APH1A: variants seen among roughly 807,000 people sequenced by gnomAD.
APH1A encodes the protein gamma-secretase subunit APH-1A.
A neutral mutation model predicts 30.3 loss-of-function variants in APH1A; 16 were observed. That is an observed-to-expected ratio of 0.53 (90% CI 0.36 to 0.80). The LOEUF (loss-of-function observed/expected upper bound fraction) is 0.80. Ranked by LOEUF, APH1A falls within the 30% of genes least tolerant of loss-of-function variation. The probability of loss-of-function intolerance (pLI) is 0.01; values close to 1 mark genes in which losing one functional copy is unlikely to be tolerated. For missense variants in APH1A, 245 were observed against 337.8 expected (o/e 0.73, Z 2.15); for synonymous variants, 144 against 140.1 (o/e 1.03, Z -0.20).
In APH1A at chr1:150,268,134, A is replaced by G; in HGVS notation, c.114-7T>C. The G allele has an allele frequency of 6.2e-7, 1 of 1,613,326 alleles. No individual in the cohort carries two copies. The highest frequency in any genetic ancestry group is 8.5e-7 in the Non-Finnish European group (1 of 1,179,694). ...GACCAGCCAGAAAAATGCCCTGAGA[A>G]AAGACAGGGGCAGTGAGACAAGCAA... On this transcript the variant is annotated splice_polypyrimidine_tract_variant and splice_region_variant and intron_variant, in intron 1 of 6. Coordinates refer to ENST00000369109, the MANE Select transcript of APH1A (RefSeq NM_001077628.3).
chr1:150,266,249 C>G (rs200707145), intron 6 of APH1A, 55 bp from the exon 7 acceptor site: 34 of 1,559,420 alleles, frequency 2.2e-5, no homozygotes, highest in Non-Finnish European at 2.7e-5. Context: ...AGCACTGACA[C>G]AGGGGGAGTC....
chr1:150,268,625 G>T, intron 1 of APH1A, 73 bp downstream of exon 1: 1 of 1,442,972 alleles, frequency 6.9e-7, no homozygotes, highest in Non-Finnish European at 9.5e-7. Context: ...TCCCAGGCTT[G>T]CCCCAGTTCC....
In APH1A at chr1:150,267,485, G is replaced by A. The variant is rs966551064; in HGVS notation, c.359-7C>T. ...CCGAAGGAGAGACCAGAAACTGGGG[G>A]AAGGGAGGATCTCATCAATGTCAGA... On this transcript the variant is annotated splice_polypyrimidine_tract_variant and splice_region_variant and intron_variant, in intron 3 of 6. Coordinates refer to ENST00000369109, the MANE Select transcript of APH1A (RefSeq NM_001077628.3). 4 of 1,613,788 alleles carry A rather than the reference G, an allele frequency of 2.5e-6. No individual in the cohort carries two copies. The highest frequency in any genetic ancestry group is 1.3e-5 in the African/African-American group (1 of 74,924).
Position 150,267,948 on chromosome 1 carries a change from T to C in APH1A, c.284+9A>G, listed in dbSNP as rs1553850290. The C allele has an allele frequency of 1.2e-6, 2 of 1,614,068 alleles. No homozygotes were observed. The highest frequency in any genetic ancestry group is 2.2e-5 in the East Asian group (1 of 44,890). On this transcript the variant is annotated intron_variant, in intron 2 of 6. Transcript: ENST00000369109. ...CCCCTCTCCCCTCCAGACCACTCCA[T>C]CTTCTTACTTAAGCAGCTTGTAGTA...
At chr1:150,266,330 CT>C in intron 6 of APH1A, 136 bp from the exon 7 acceptor site, 1 of 1,487,170 alleles carries the variant, frequency 6.7e-7, no homozygotes, top group African/African-American at 1.4e-5. Context: ...CACTGACTGG[CT>C]GAACCCAGGC....
rs199674108 is a variant in APH1A, at chr1:150,267,222, G to C, written c.482-20C>G. 18 of 1,614,176 alleles carry C rather than the reference G, an allele frequency of 1.1e-5. No individual in the cohort carries two copies. In the East Asian group the frequency reaches 4.0e-4, roughly 36 times the overall value. ...GAAAGGCTGCAGGGAGGGAGATGGG[G>C]AGGAGATACATCCCTGATCTTCTCC... is the stretch of plus-strand genomic sequence containing the variant. On this transcript the variant is annotated intron_variant, in intron 4 of 6. Transcript: ENST00000369109.
chr1:150,267,511 G>T, intron 3 of APH1A, 33 bp from the exon 4 acceptor site: 1 of 1,612,296 alleles, frequency 6.2e-7, no homozygotes, highest in Non-Finnish European at 8.5e-7. Flanking sequence ...CAATGTCAGA[G>T]ATCACACTAT....
In APH1A at chr1:150,267,173, G is replaced by T; in HGVS notation, c.511C>A (p.His171Asn). Residue 171 changes from histidine (H) to asparagine (N), a missense_variant, in exon 5 of 7, where the codon CAT becomes AAT. Coordinates refer to ENST00000369109, the MANE Select transcript of APH1A (RefSeq NM_001077628.3). ...AAGAACACAACTCCCCAAAAGGTAT[G>T]GAGCAGGATAATGGCTGCTGTCAGA... is the stretch of plus-strand genomic sequence containing the variant. ...AFLTAAIILL[H>N]TFWGVVFFDA... The T allele has an allele frequency of 6.2e-7, 1 of 1,614,224 alleles. No homozygotes were observed. The highest frequency in any genetic ancestry group is 8.5e-7 in the Non-Finnish European group (1 of 1,180,046).
Position 150,268,726 on chromosome 1 carries a change from G to C in APH1A, c.85C>G (p.Pro29Ala). ...GCGACCAGGATGATAACGCGAAGCG[G>C]GTCCCCAGCCACAGTGATCAAGAAA... The part of the protein sequence containing the change: ...ALFLITVAGD[P>A]LRVIILVAGA... The change falls in exon 1 of 7, where the codon CCG (proline) becomes GCG (alanine). Residue 29 changes from proline to alanine, a missense_variant. Transcript: ENST00000369109. 1 of 1,613,434 alleles carries C rather than the reference G, an allele frequency of 6.2e-7. No homozygotes were observed. The highest frequency in any genetic ancestry group is 8.5e-7 in the Non-Finnish European group (1 of 1,179,770).
intron 1 of APH1A, chr1:150,268,432 T>C: frequency 1.7e-6 from 1 of 587,470 alleles, no homozygotes; most frequent in Non-Finnish European, 3.0e-6. Context: ...CCTGCCTAGG[T>C]CAGCACAGCC....
chr1:150,268,893 G>T lies in APH1A; in HGVS notation c.-83C>A. On this transcript the variant is annotated 5_prime_UTR_variant, in exon 1 of 7. Coordinates refer to ENST00000369109, the MANE Select transcript of APH1A (RefSeq NM_001077628.3). ...CGCGCCAGCTGGGGAGTCCGCGTGG[G>T]GTGGCAACGCGACCCCACGAGGGGC... 1 of 1,275,184 alleles carries T rather than the reference G, an allele frequency of 7.8e-7. No homozygotes were observed. Among genetic ancestry groups the T allele is most frequent in the Non-Finnish European group, 1.1e-6 (1 of 906,044 alleles). The allele number at this position is 1,275,184 out of a possible 1,614,324, so 79.0% of individuals were successfully genotyped here.
At position 150,266,046 on chromosome 1, in the gene APH1A, C is replaced by G; in HGVS notation, c.*84G>C. On this transcript the variant is annotated 3_prime_UTR_variant, in exon 7 of 7. Transcript: ENST00000369109. The stretch of plus-strand genomic sequence containing the variant: ...CTAGGTCCCTTTTCTTGGCAACCTG[C>G]ACTGTCCAGAACTGGAGATGGAGAA... 1 of 1,489,126 alleles carries G rather than the reference C, an allele frequency of 6.7e-7. No individual in the cohort carries two copies. The highest frequency in any genetic ancestry group is 9.0e-7 in the Non-Finnish European group (1 of 1,106,542). 92.2% of individuals were successfully genotyped at this position (1,489,126 alleles called of 1,614,324 possible). A position where few individuals can be genotyped will look rare whatever the true frequency, so the allele number is the denominator to read the frequency against.
At position 150,267,480 on chromosome 1, in the gene APH1A, T is replaced by C; in HGVS notation, c.359-2A>G. On this transcript the variant is annotated splice_acceptor_variant, in intron 3 of 6. Transcript: ENST00000369109. LOFTEE classifies it high-confidence loss of function. Reference sequence around the variant, plus strand: ...TGATACCGAAGGAGAGACCAGAAACTGGGGGAAGGGAGGATCTCATCAATG... The same window carrying C: ...TGATACCGAAGGAGAGACCAGAAACCGGGGGAAGGGAGGATCTCATCAATG... 1 of 1,613,970 alleles carries C rather than the reference T, an allele frequency of 6.2e-7. No homozygotes were observed. Among genetic ancestry groups the C allele is most frequent in the Non-Finnish European group, 8.5e-7 (1 of 1,179,920 alleles).
In APH1A at chr1:150,266,666, AG is replaced by A; in HGVS notation, c.610-11del. The A allele has an allele frequency of 1.2e-6, 2 of 1,613,764 alleles. No individual in the cohort carries two copies. The highest frequency in any genetic ancestry group is 1.7e-6 in the Non-Finnish European group (2 of 1,179,836). On this transcript the variant is annotated splice_polypyrimidine_tract_variant and intron_variant, in intron 5 of 6. Coordinates refer to ENST00000369109, the MANE Select transcript of APH1A (RefSeq NM_001077628.3). Reference sequence around the variant, plus strand: ...AGGGGTTCAGGAATGTCTAGGAAGGAGGGTAAGAGTAGGAAAGAGATTAGAT... The same window carrying A: ...AGGGGTTCAGGAATGTCTAGGAAGGAGGTAAGAGTAGGAAAGAGATTAGAT...
At chr1:150,267,521 T>C in intron 3 of APH1A, 43 bp from the exon 4 acceptor site, 1 of 1,610,340 alleles carries the variant, frequency 6.2e-7, no homozygotes, top group Non-Finnish European at 8.5e-7. Flanking sequence ...GATCACACTA[T>C]TGCCTGTTCA....
chr1:150,267,703 T>C lies in APH1A; in HGVS notation c.358+13A>G. On this transcript the variant is annotated intron_variant, in intron 3 of 6. Transcript: ENST00000369109. ...GTCCAACTCCCTCCTCCAGTCCCTC[T>C]CCCTTGGCTCACCATAGGCCATCTG... The C allele has an allele frequency of 6.2e-7, 1 of 1,606,602 alleles. No homozygotes were observed. The highest frequency in any genetic ancestry group is 1.1e-5 in the South Asian group (1 of 90,022).
rs1445673452 is a variant in APH1A, at chr1:150,265,696, T to C, written c.*434A>G. 1 of 162,408 alleles carries C rather than the reference T, an allele frequency of 6.2e-6. No individual in the cohort carries two copies. Among genetic ancestry groups the C allele is most frequent in the African/African-American group, 2.4e-5 (1 of 41,586 alleles). The allele number at this position is 162,408 out of a possible 1,614,324, so 10.1% of individuals were successfully genotyped here. On this transcript the variant is annotated 3_prime_UTR_variant, in exon 7 of 7. Coordinates refer to ENST00000369109, the MANE Select transcript of APH1A (RefSeq NM_001077628.3). ...AGGTTAAAACCATTAGTTCCAGTAA[T>C]GCCAGTTCCCAAACATGCACTTCCT...
chr1:150,268,497 A>G (rs1560035489), intron 1 of APH1A: 1 of 616,226 alleles, frequency 1.6e-6, no homozygotes, highest in African/African-American at 1.9e-5. Context: ...GGAATATAGG[A>G]GGAATCTGTG....
At chr1:150,266,845 C>T (rs587620797) in intron 5 of APH1A, 189 bp from the exon 6 acceptor site, 40 of 1,010,312 alleles carry the variant, frequency 4.0e-5, no homozygotes, top group Middle Eastern at 3.0e-4. Flanking sequence ...AGGTTTCTGC[C>T]GCTCCTGCTC....
Sources: gnomAD v4.1 joint callset for allele counts on GRCh38, gnomAD v4.1.1 for gene constraint, MANE v1.5 for transcripts, NCBI Gene and HGNC (gene_info 2026-07-23, HGNC 2026-07-21) for gene names.